QKI: variants seen among roughly 807,000 people sequenced by gnomAD.
QKI encodes KH domain-containing RNA-binding protein QKI.
In QKI, 10 loss-of-function variants were observed where a neutral mutation model predicts 39.0. That is an observed-to-expected ratio of 0.26 (90% CI 0.16 to 0.43). The LOEUF (loss-of-function observed/expected upper bound fraction) is 0.43. Among genes scored for constraint, QKI ranks in the 20% least tolerant of loss-of-function variants. The probability of loss-of-function intolerance (pLI) is 1.00; values close to 1 mark genes in which losing one functional copy is unlikely to be tolerated. For synonymous variants in QKI, 204 were observed against 155.4 expected, an observed-to-expected ratio of 1.31 and a Z score of -2.33; for missense variants, 218 against 428.0, an observed-to-expected ratio of 0.51 and a Z score of 4.33.
chr6:163,457,258 A>T (rs1034493590), intron 2 of QKI: 4 of 451,342 alleles, frequency 8.9e-6, no homozygotes, highest in African/African-American at 8.0e-5. Context: ...AAAAAAAGAA[A>T]TCCTATTCAA....
At chr6:163,549,189 G>A (rs1315560056) in intron 4 of QKI, among the ~76,000 whole-genome samples, 1 of 152,102 alleles carries the variant, frequency 6.6e-6, no homozygotes, top group Non-Finnish European at 1.5e-5. Context: ...AATGTGGGAG[G>A]AGAGGCCAGA....
At chr6:163,417,730 C>T (rs574399433) in intron 1 of QKI, among the ~76,000 whole-genome samples, 2 of 152,268 alleles carry the variant, frequency 1.3e-5, no homozygotes, top group South Asian at 2.1e-4. Context: ...TACTCCATCT[C>T]TTGTCTTGCT....
chr6:163,566,953 G>T, intron 7 of QKI, 158 bp downstream of exon 7: 6 of 1,380,050 alleles, frequency 4.3e-6, no homozygotes, highest in South Asian at 1.8e-5. Flanking sequence ...TTAAGGGTTG[G>T]GTTTTTTGTT....
At chr6:163,474,139 T>G (rs1409841052) in intron 2 of QKI, among the ~76,000 whole-genome samples, 1 of 152,164 alleles carries the variant, frequency 6.6e-6, no homozygotes, top group Non-Finnish European at 1.5e-5. Context: ...CCACTTGTAG[T>G]TGGGAACTCT....
intron 3 of QKI, among the ~76,000 whole-genome samples, chr6:163,492,784 G>A (rs1203823882): frequency 2.6e-5 from 4 of 152,064 alleles, no homozygotes; most frequent in African/African-American, 9.7e-5. Context: ...GTGAGTAAAC[G>A]GATGCCTATA....
chr6:163,486,056 G>C (rs1275190913), intron 3 of QKI, among the ~76,000 whole-genome samples: 1 of 152,234 alleles, frequency 6.6e-6, no homozygotes, highest in Non-Finnish European at 1.5e-5. Flanking sequence ...GCTTGGGCTA[G>C]ATGGTATCAG....
chr6:163,503,117 C>A (rs1778874028), intron 3 of QKI, among the ~76,000 whole-genome samples: 1 of 145,970 alleles, frequency 6.9e-6, no homozygotes, highest in African/African-American at 2.5e-5. Context: ...AGCATCTTTT[C>A]ATGTTTGTTG....
intron 3 of QKI, among the ~76,000 whole-genome samples, chr6:163,515,979 AT>A (rs1252016582): frequency 6.6e-6 from 1 of 151,678 alleles, no homozygotes; most frequent in Non-Finnish European, 1.5e-5. Context: ...ATGTAATCTG[AT>A]TATTTATCTC....
intron 1 of QKI, among the ~76,000 whole-genome samples, chr6:163,419,558 A>G (rs940155604): frequency 2.0e-5 from 3 of 152,196 alleles, no homozygotes; most frequent in Admixed American, 6.5e-5. Context: ...GGAAGCTACT[A>G]TTTATAATCA....
rs139698255 is a variant in QKI, at chr6:163,571,073, A to G, written c.*363A>G. 1.0e-3 allele frequency: 183 copies of G among 175,062 alleles called. No homozygotes were observed. The highest frequency in any genetic ancestry group is 4.2e-3 in the African/African-American group (177 of 42,526). The allele number at this position is 175,062 out of a possible 1,614,324, so 10.8% of individuals were successfully genotyped here. ...GAGACAGATGGTCCTTAACTACTCAATGACAGAGGCAGTTACTGTGAGAGA... is the reference window on the plus strand; with the variant it reads ...GAGACAGATGGTCCTTAACTACTCAGTGACAGAGGCAGTTACTGTGAGAGA... On this transcript the variant is annotated 3_prime_UTR_variant, in exon 8 of 8. Transcript: ENST00000361752.
intron 3 of QKI, among the ~76,000 whole-genome samples, chr6:163,488,148 T>C (rs1777794770): frequency 6.6e-6 from 1 of 152,194 alleles, no homozygotes; most frequent in South Asian, 2.1e-4. Context: ...TCAAGTTGTT[T>C]GGCCATTGGA....
chr6:163,506,674 T>C (rs1779113730), intron 3 of QKI, among the ~76,000 whole-genome samples: 2 of 152,226 alleles, frequency 1.3e-5, no homozygotes, highest in Admixed American at 6.5e-5. Flanking sequence ...CAGAGTTCTT[T>C]AAGAGTTGTA....
intron 3 of QKI, among the ~76,000 whole-genome samples, chr6:163,518,975 T>G (rs1236939091): frequency 6.6e-6 from 1 of 152,226 alleles, no homozygotes; most frequent in African/African-American, 2.4e-5. Flanking sequence ...ACACACCTTG[T>G]ATGGCTACAT....
intron 3 of QKI, among the ~76,000 whole-genome samples, chr6:163,528,218 G>A (rs755720887): frequency 3.3e-5 from 5 of 152,024 alleles, no homozygotes; most frequent in Non-Finnish European, 5.9e-5. Flanking sequence ...CAAAGTCCCC[G>A]CCAGCTCTAA....
chr6:163,498,613 C>G (rs1264195721), intron 3 of QKI, among the ~76,000 whole-genome samples: 3 of 152,056 alleles, frequency 2.0e-5, no homozygotes, highest in Non-Finnish European at 2.9e-5. Context: ...TTTCCCTCCT[C>G]TCCCCTTTTA....
chr6:163,544,264 A>G (rs1448225813), intron 4 of QKI, among the ~76,000 whole-genome samples: 1 of 152,066 alleles, frequency 6.6e-6, no homozygotes, highest in Non-Finnish European at 1.5e-5. Context: ...TAAATAATCT[A>G]GAGATGATTT....
intron 4 of QKI, among the ~76,000 whole-genome samples, chr6:163,560,832 C>T (rs1782947310): frequency 6.6e-6 from 1 of 151,998 alleles, no homozygotes; most frequent in African/African-American, 2.4e-5. Context: ...GAACAGACAC[C>T]ATTAGCAACA....
chr6:163,433,767 T>C (rs564042060), intron 1 of QKI, among the ~76,000 whole-genome samples: 1 of 146,710 alleles, frequency 6.8e-6, no homozygotes, highest in African/African-American at 2.5e-5. Flanking sequence ...ACTCCTCTCA[T>C]AAAAAAAAAA....
intron 6 of QKI, chr6:163,564,781 T>C: frequency 6.2e-7 from 1 of 1,609,452 alleles, no homozygotes; most frequent in Non-Finnish European, 8.5e-7. Flanking sequence ...AAACTGTTTC[T>C]GTGCAACCCC....
Sources: gnomAD v4.1 joint callset for allele counts (sites outside exome capture counted in the v4.1 genomes callset) on GRCh38, gnomAD v4.1.1 for gene constraint, MANE v1.5 for transcripts, NCBI Gene and HGNC (gene_info 2026-07-23, HGNC 2026-07-21) for gene names.